The following NELL1 variants were observed in gnomAD, a reference collection of about 807,000 sequenced individuals.
The protein encoded by NELL1 is protein kinase C-binding protein NELL1.
Under a neutral mutation model 107.4 loss-of-function variants are expected in NELL1, and 76 were observed. The ratio of observed to expected loss-of-function variants is 0.71; its 90% CI spans 0.59 to 0.86. The LOEUF (loss-of-function observed/expected upper bound fraction) is 0.86, where lower values mean the gene tolerates loss of function less well. Among genes scored for constraint, NELL1 ranks in the 40% least tolerant of loss-of-function variants. The pLI is 0.00. For missense variants in NELL1, 1,024 were observed against 1,005.5 expected (o/e 1.02, Z -0.25); for synonymous variants, 353 against 341.2 (o/e 1.03, Z -0.38).
intron 12 of NELL1, among the ~76,000 whole-genome samples, chr11:21,100,739 G>A (rs1452388866): frequency 6.6e-6 from 1 of 152,126 alleles, no homozygotes; most frequent in Non-Finnish European, 1.5e-5. Flanking sequence ...CTATACCATA[G>A]CAGCTTTGCT....
chr11:21,162,261 C>T (rs562674311), intron 13 of NELL1, among the ~76,000 whole-genome samples: 159 of 152,112 alleles, frequency 1.0e-3, no homozygotes, highest in African/African-American at 3.7e-3. Context: ...GGAACATAAT[C>T]TTTATGTTGA....
chr11:20,671,792 T>G (rs1853918502), intron 1 of NELL1, among the ~76,000 whole-genome samples: 2 of 149,910 alleles, frequency 1.3e-5, no homozygotes, highest in African/African-American at 2.5e-5. Flanking sequence ...GGTGGAGAGG[T>G]AGGAGTATAA....
At chr11:21,376,716 A>G (rs1052007513) in intron 15 of NELL1, among the ~76,000 whole-genome samples, 1 of 151,926 alleles carries the variant, frequency 6.6e-6, no homozygotes, top group Admixed American at 6.6e-5. Context: ...TGTGTCATCT[A>G]TGATTTATTA....
chr11:21,524,232 C>T (rs1256528796), intron 15 of NELL1, among the ~76,000 whole-genome samples: 3 of 152,010 alleles, frequency 2.0e-5, no homozygotes, highest in Non-Finnish European at 2.9e-5. Context: ...ACATGTACAC[C>T]TCCATTTTCA....
chr11:21,201,030 G>A (rs185725619), intron 13 of NELL1, among the ~76,000 whole-genome samples: 1 of 152,274 alleles, frequency 6.6e-6, no homozygotes, highest in East Asian at 1.9e-4. Context: ...TTTGGTTACT[G>A]TAGCCTTGTA....
chr11:20,878,082 C>A (rs10833405), intron 4 of NELL1, among the ~76,000 whole-genome samples: 2 of 151,916 alleles, frequency 1.3e-5, no homozygotes, highest in Non-Finnish European at 2.9e-5. Flanking sequence ...CCATTTGGGC[C>A]GGGCGCGGTG....
At chr11:20,714,868 G>A (rs979535672) in intron 2 of NELL1, among the ~76,000 whole-genome samples, 2 of 152,118 alleles carry the variant, frequency 1.3e-5, no homozygotes, top group African/African-American at 4.8e-5. Flanking sequence ...TGTAGAGTAC[G>A]TTCACCTTAT....
Position 21,229,344 on chromosome 11 carries a change from G to A in NELL1, c.1439G>A (p.Cys480Tyr). Residue 480 changes from cysteine (C) to tyrosine (Y), a missense_variant, in exon 14 of 20, where the codon TGT becomes TAT. Cys to Tyr is a radical substitution (Grantham distance 194). Transcript: ENST00000357134. ...DDFSCTEHDE[C>Y]GSGQHNCDEN... ...ACCCTGGAAACAGAACACGATGAATGTGGCAGCGGCCAGCACAACTGTGAT... is the reference window on the plus strand; with the variant it reads ...ACCCTGGAAACAGAACACGATGAATATGGCAGCGGCCAGCACAACTGTGAT... 3 of 1,613,926 alleles carry A rather than the reference G, an allele frequency of 1.9e-6. No individual in the cohort carries two copies. Among genetic ancestry groups the A allele is most frequent in the African/African-American group, 1.3e-5 (1 of 75,034 alleles).
At chr11:21,492,738 A>G (rs1393328951) in intron 15 of NELL1, among the ~76,000 whole-genome samples, 1 of 102,580 alleles carries the variant, frequency 9.7e-6, no homozygotes, top group East Asian at 3.5e-4. Flanking sequence ...CACTCTGGGG[A>G]CTGTTGTGGG....
intron 14 of NELL1, among the ~76,000 whole-genome samples, chr11:21,276,987 G>A (rs1350522839): frequency 2.0e-5 from 3 of 151,248 alleles, no homozygotes; most frequent in Non-Finnish European, 4.4e-5. Flanking sequence ...CATAGGCATG[G>A]GCAAGGACTT....
At chr11:20,797,841 T>C (rs1857205095) in intron 3 of NELL1, among the ~76,000 whole-genome samples, 1 of 152,186 alleles carries the variant, frequency 6.6e-6, no homozygotes, top group Non-Finnish European at 1.5e-5. Context: ...ATCATTGTGC[T>C]GTGTGTGTCA....
chr11:20,867,315 A>G (rs1312140781), intron 4 of NELL1, among the ~76,000 whole-genome samples: 1 of 151,934 alleles, frequency 6.6e-6, no homozygotes, highest in Non-Finnish European at 1.5e-5. Context: ...ATGATGATTG[A>G]CTCTACGTCA....
intron 4 of NELL1, among the ~76,000 whole-genome samples, chr11:20,861,763 T>C (rs1459969426): frequency 6.6e-6 from 1 of 152,176 alleles, no homozygotes; most frequent in Admixed American, 6.5e-5. Flanking sequence ...CAGTGTAGTT[T>C]AGTGGTTCCG....
chr11:21,382,463 A>G (rs1851637159), intron 15 of NELL1, among the ~76,000 whole-genome samples: 1 of 151,986 alleles, frequency 6.6e-6, no homozygotes, highest in African/African-American at 2.4e-5. Flanking sequence ...GAATAAGTAT[A>G]GACAAGGACC....
intron 15 of NELL1, among the ~76,000 whole-genome samples, chr11:21,409,429 T>C (rs960047441): frequency 7.9e-5 from 12 of 151,636 alleles, no homozygotes; most frequent in African/African-American, 2.7e-4. Context: ...TGAGGACTGT[T>C]GTGGGGTTGG....
intron 14 of NELL1, among the ~76,000 whole-genome samples, chr11:21,366,635 A>T (rs2133746887): frequency 6.6e-6 from 1 of 152,078 alleles, no homozygotes; most frequent in South Asian, 2.1e-4. Flanking sequence ...ATCTTTCTCA[A>T]ATTTACCAAC....
intron 12 of NELL1, among the ~76,000 whole-genome samples, chr11:21,023,747 C>T (rs1253009781): frequency 2.0e-5 from 3 of 152,024 alleles, no homozygotes; most frequent in African/African-American, 7.2e-5. Context: ...TGTATGACAT[C>T]TACTGGCTCC....
At chr11:21,278,244 CCT>C (rs1375685732) in intron 14 of NELL1, among the ~76,000 whole-genome samples, 1 of 152,084 alleles carries the variant, frequency 6.6e-6, no homozygotes. Flanking sequence ...AAGTATATCC[CCT>C]CTTACCACTG....
chr11:21,296,999 T>C (rs940052446), intron 14 of NELL1, among the ~76,000 whole-genome samples: 1 of 151,494 alleles, frequency 6.6e-6, no homozygotes, highest in Non-Finnish European at 1.5e-5. Flanking sequence ...GTCTAGAATT[T>C]TTTTTCATTC....
Sources: allele counts gnomAD v4.1 joint callset (sites outside exome capture counted in the v4.1 genomes callset), GRCh38; gene constraint gnomAD v4.1.1; transcripts MANE v1.5; gene names NCBI Gene and HGNC (gene_info 2026-07-23, HGNC 2026-07-21).